The following FXN variants were observed in gnomAD, a reference collection of about 807,000 sequenced individuals.
The protein encoded by FXN is frataxin.
A neutral mutation model predicts 22.4 loss-of-function variants in FXN; 14 were observed. The observed-to-expected ratio is 0.62, with a 90% CI of 0.41 to 0.98. The LOEUF (loss-of-function observed/expected upper bound fraction) is 0.98, where lower values mean the gene tolerates loss of function less well. Among genes scored for constraint, FXN ranks in the 50% least tolerant of loss-of-function variants. FXN has a pLI of 0.00. For missense variants in FXN, 267 were observed against 268.4 expected (o/e 0.99, Z 0.04); for synonymous variants, 120 against 114.1 (o/e 1.05, Z -0.33).
chr9:69,053,167 A>G lies in FXN; in HGVS notation c.291A>G (p.Arg97=). 6.2e-7 allele frequency: 1 copy of G among 1,614,008 alleles called. No individual in the cohort carries two copies. Among genetic ancestry groups the G allele is most frequent in the Non-Finnish European group, 8.5e-7 (1 of 1,179,970 alleles). ...PGSLDETTYE[R]LAEETLDSLA... ...CTCTAGATGAGACCACCTATGAAAG[A>G]CTAGCAGAGGAAACGCTGGACTCTT... is the stretch of plus-strand genomic sequence containing the variant. Residue 97 remains arginine (R), a synonymous_variant, in exon 3 of 5, where the codon AGA becomes AGG. Coordinates refer to ENST00000484259, the MANE Select transcript of FXN (RefSeq NM_000144.5).
rs746766848 is a variant in FXN, at chr9:69,053,507, GGATAGATA to G, written c.384+269_384+276del. ...TGGATGGATGGATGGATGGATGGAT[GGATAGATA>G]GATAGATAGATAGATAGATAGCTGG... On this transcript the variant is annotated intron_variant, in intron 3 of 4. Transcript: ENST00000484259. 5.8e-3 allele frequency among the ~76,000 whole-genome samples: 871 copies of G among 150,750 alleles called. 7 individuals are homozygous for G. The highest frequency in any genetic ancestry group is 6.0e-3 in the Non-Finnish European group (407 of 67,772).
In FXN at chr9:69,076,809, T is replaced by C. The variant is rs898623353; in HGVS notation, c.*4047T>C. ...TTCTGCTAGAACAAACTAAAACAGC[T>C]ACATGCCAGCAAGGGAGAAAGGGGA... On this transcript the variant is annotated 3_prime_UTR_variant, in exon 5 of 5. Coordinates refer to ENST00000484259, the MANE Select transcript of FXN (RefSeq NM_000144.5). The C allele has an allele frequency of 1.0e-6, 1 of 985,424 alleles. No individual in the cohort carries two copies. Among genetic ancestry groups the C allele is most frequent in the Admixed American group, 6.1e-5 (1 of 16,272 alleles). 61.0% of individuals were successfully genotyped at this position (985,424 alleles called of 1,614,324 possible).
chr9:69,076,001 C>A lies in FXN; in HGVS notation c.*3239C>A. On this transcript the variant is annotated 3_prime_UTR_variant, in exon 5 of 5. Transcript: ENST00000484259. ...ATTACAGGTGTGTGCCACAGGTGTT[C>A]ATCAGAAAGCTTTTTCTATTATTTT... The A allele has an allele frequency of 2.0e-6, 2 of 982,596 alleles. No individual in the cohort carries two copies. The highest frequency in any genetic ancestry group is 5.3e-4 in the Middle Eastern group (1 of 1,904). 60.9% of individuals were successfully genotyped at this position (982,596 alleles called of 1,614,324 possible). A position where few individuals can be genotyped will look rare whatever the true frequency, so the allele number is the denominator to read the frequency against.
chr9:69,053,529 A>G (rs12171746), intron 3 of FXN, among the ~76,000 whole-genome samples: 220 of 151,564 alleles, frequency 1.5e-3, no homozygotes, highest in African/African-American at 5.0e-3. Context: ...AGATAGATAG[A>G]TAGATAGCTG....
rs765595341 is a variant in FXN at position 69,074,901 on chromosome 9, T to C, written c.*2139T>C. 3 of 985,430 alleles carry C rather than the reference T, an allele frequency of 3.0e-6. No homozygotes were observed. Among genetic ancestry groups the C allele is most frequent in the Non-Finnish European group, 3.6e-6 (3 of 829,926 alleles). The allele number at this position is 985,430 out of a possible 1,614,324, so 61.0% of individuals were successfully genotyped here. A position where few individuals can be genotyped will look rare whatever the true frequency, so the allele number is the denominator to read the frequency against. ...AAATAACATCATACATGTTTGTATGTGTTTGCATCTTGCTTCTACTGAAAG... is the reference window on the plus strand; with the variant it reads ...AAATAACATCATACATGTTTGTATGCGTTTGCATCTTGCTTCTACTGAAAG... On this transcript the variant is annotated 3_prime_UTR_variant, in exon 5 of 5. Transcript: ENST00000484259.
Position 69,046,447 on chromosome 9 carries a change from G to T in FXN, c.228G>T (p.Met76Ile). ...TCAAAAAGCAGAGTGTCTATTTGAT[G>T]AATTTGAGGAAATCTGGAACTTTGG... ...WNVKKQSVYL[M>I]NLRKSGTLGH... is the part of the protein sequence containing the mutation. Residue 76 changes from methionine (M) to isoleucine (I), a missense_variant, in exon 2 of 5, where the codon ATG becomes ATT. Met to Ile is a conservative substitution (Grantham distance 10, BLOSUM62 1). Coordinates refer to ENST00000484259, the MANE Select transcript of FXN (RefSeq NM_000144.5). 6.2e-7 allele frequency: 1 copy of T among 1,614,030 alleles called. No individual in the cohort carries two copies. The highest frequency in any genetic ancestry group is 1.1e-5 in the South Asian group (1 of 91,060).
chr9:69,049,657 C>T (rs1356342869), intron 2 of FXN, among the ~76,000 whole-genome samples: 1 of 152,166 alleles, frequency 6.6e-6, no homozygotes, highest in Non-Finnish European at 1.5e-5. Context: ...TTATAATTTA[C>T]ATGCCATAAA....
intron 1 of FXN, among the ~76,000 whole-genome samples, chr9:69,041,458 G>A (rs569446074): frequency 1.1e-3 from 172 of 152,164 alleles, no homozygotes; most frequent in Non-Finnish European, 1.9e-3. Context: ...CTGTTGTTAC[G>A]ATGGTGCTGC....
intron 4 of FXN, among the ~76,000 whole-genome samples, chr9:69,069,801 C>T (rs959044036): frequency 6.6e-6 from 1 of 152,190 alleles, no homozygotes; most frequent in Non-Finnish European, 1.5e-5. Context: ...ATGCCTACTG[C>T]CCGACCTCTA....
At chr9:69,063,061 G>A (rs926796188) in intron 3 of FXN, among the ~76,000 whole-genome samples, 4 of 152,084 alleles carry the variant, frequency 2.6e-5, no homozygotes, top group Non-Finnish European at 5.9e-5. Flanking sequence ...AATTAGACAG[G>A]TGTGGTGTCT....
intron 2 of FXN, 150 bp from the exon 3 acceptor site, chr9:69,052,990 C>CAA (rs370853196): frequency 2.7e-3 from 1,602 of 588,270 alleles, no homozygotes; most frequent in Non-Finnish European, 3.1e-3. Flanking sequence ...GACTCTGTCT[C>CAA]AAAAAAAAAA....
chr9:69,062,506 G>A (rs961995837), intron 3 of FXN, among the ~76,000 whole-genome samples: 3 of 152,026 alleles, frequency 2.0e-5, no homozygotes, highest in South Asian at 2.1e-4. Flanking sequence ...ACAAACTTAC[G>A]TATTGTATAA....
Position 69,078,757 on chromosome 9 carries a change from G to C in FXN, c.*5995G>C, listed in dbSNP as rs1057385345. 20 of 985,486 alleles carry C rather than the reference G, an allele frequency of 2.0e-5. No homozygotes were observed. Among genetic ancestry groups the C allele is most frequent in the African/African-American group, 3.5e-5 (2 of 57,208 alleles). The allele number at this position is 985,486 out of a possible 1,614,324, so 61.0% of individuals were successfully genotyped here. Reference sequence around the variant, plus strand: ...CTTTATTCCCCACATCTCTGCCTGGGGGGTAGATTCTACCCTGAAAAATGT... The same window carrying C: ...CTTTATTCCCCACATCTCTGCCTGGCGGGTAGATTCTACCCTGAAAAATGT... On this transcript the variant is annotated 3_prime_UTR_variant, in exon 5 of 5. Transcript: ENST00000484259.
rs879126407 is a variant in FXN at position 69,076,711 on chromosome 9, C to A, written c.*3949C>A. ...AGGTTGCCAAGGAAAAATCGCTTTA[C>A]GCTTCCAAGGTACACACTAAGATGA... On this transcript the variant is annotated 3_prime_UTR_variant, in exon 5 of 5. Coordinates refer to ENST00000484259, the MANE Select transcript of FXN (RefSeq NM_000144.5). The A allele has an allele frequency of 5.1e-6, 5 of 985,382 alleles. No individual in the cohort carries two copies. In the South Asian group the frequency reaches 2.3e-4, roughly 46 times the overall value. 61.0% of individuals were successfully genotyped at this position (985,382 alleles called of 1,614,324 possible). A position where few individuals can be genotyped will look rare whatever the true frequency, so the allele number is the denominator to read the frequency against.
Position 69,078,206 on chromosome 9 carries a change from A to G in FXN, c.*5444A>G, listed in dbSNP as rs1832405785. ...TGTGTACTGCACATCTCCAGGTGCC[A>G]CTGTTGACAGAGATTATAACTACAA... On this transcript the variant is annotated 3_prime_UTR_variant, in exon 5 of 5. Transcript: ENST00000484259. The G allele has an allele frequency of 1.0e-6, 1 of 984,310 alleles. No homozygotes were observed. Among genetic ancestry groups the G allele is most frequent in the African/African-American group, 1.7e-5 (1 of 57,334 alleles). 61.0% of individuals were successfully genotyped at this position (984,310 alleles called of 1,614,324 possible). A position where few individuals can be genotyped will look rare whatever the true frequency, so the allele number is the denominator to read the frequency against.
intron 1 of FXN, 132 bp from the exon 2 acceptor site, chr9:69,046,253 C>G: frequency 1.4e-6 from 1 of 715,426 alleles, no homozygotes; most frequent in Non-Finnish European, 2.5e-6. Context: ...GCAACATATT[C>G]CCTTTTTCTT....
At position 69,074,498 on chromosome 9, in the gene FXN, C is replaced by T. The variant is rs113375157; in HGVS notation, c.*1736C>T. ...ACAGTGAGTCGAGATCGTACCTGAG[C>T]GACAGAGCGAGACTCCGTCTCAAAA... is the stretch of plus-strand genomic sequence containing the variant. On this transcript the variant is annotated 3_prime_UTR_variant, in exon 5 of 5. Transcript: ENST00000484259. The T allele has an allele frequency of 5.1e-6, 5 of 975,624 alleles. No individual in the cohort carries two copies. In the South Asian group the frequency reaches 1.4e-4, roughly 28 times the overall value. 60.4% of individuals were successfully genotyped at this position (975,624 alleles called of 1,614,324 possible).
At chr9:69,037,284 A>AGAAGAAG (rs1554758734) in intron 1 of FXN, among the ~76,000 whole-genome samples, 3 of 78,050 alleles carry the variant, frequency 3.8e-5, no homozygotes, top group South Asian at 4.5e-4. Context: ...AAAAAAAAAA[A>AGAAGAAG]AAGAAGAAGA....
chr9:69,059,714 C>T lies in FXN; in HGVS notation c.385-5224C>T, dbSNP rs546386988. Among the ~76,000 whole-genome samples the T allele has an allele frequency of 1.6e-3, 242 of 152,144 alleles. 1 individual carries two copies. Among genetic ancestry groups the T allele is most frequent in the African/African-American group, 5.2e-3 (215 of 41,542 alleles). On this transcript the variant is annotated intron_variant, in intron 3 of 4. Transcript: ENST00000484259. ...AGTCACTGTTCCTGGCCCAGTGAGG[C>T]ACCATCTCATTGGATATGGAGACAA...
Sources: allele counts gnomAD v4.1 joint callset (sites outside exome capture counted in the v4.1 genomes callset), GRCh38; gene constraint gnomAD v4.1.1; transcripts MANE v1.5; gene names NCBI Gene and HGNC (gene_info 2026-07-23, HGNC 2026-07-21).